C2: variants seen among roughly 807,000 people sequenced by gnomAD.
C2 encodes the protein complement C2.
C2 carries 64 observed loss-of-function variants against 85.2 expected under a neutral mutation model. The observed-to-expected ratio is 0.75, with a 90% CI of 0.61 to 0.92. The LOEUF (loss-of-function observed/expected upper bound fraction) is 0.92. C2 is among the 40% of genes least tolerant of loss of function. The probability of loss-of-function intolerance (pLI) is 0.00; values close to 1 mark genes in which losing one functional copy is unlikely to be tolerated. For missense variants in C2, 820 were observed against 971.6 expected (o/e 0.84, Z 2.07); for synonymous variants, 311 against 370.8 (o/e 0.84, Z 1.85).
chr6:31,932,863 C>T (rs1770019492), intron 3 of C2, among the ~76,000 whole-genome samples: 1 of 152,280 alleles, frequency 6.6e-6, no homozygotes, highest in African/African-American at 2.4e-5. Context: ...TCTGCAATCC[C>T]AGCACCTCGG....
upstream of C2, among the ~76,000 whole-genome samples, chr6:31,918,064 G>A (rs1768679696): frequency 6.6e-6 from 1 of 151,882 alleles, no homozygotes; most frequent in African/African-American, 2.4e-5. Context: ...GATTGCTTGA[G>A]GCTAGTTCAA....
intron 8 of C2, among the ~76,000 whole-genome samples, chr6:31,938,366 G>T (rs1418345709): frequency 6.6e-6 from 1 of 151,596 alleles, no homozygotes; most frequent in Non-Finnish European, 1.5e-5. Flanking sequence ...GGTTTCATGA[G>T]AATTAAATGA....
At position 31,945,298 on chromosome 6, in the gene C2, C is replaced by T. The variant is rs4151648; in HGVS notation, c.2200C>T (p.Arg734Cys). The T allele has an allele frequency of 8.9e-4, 1,442 of 1,613,048 alleles. 11 individuals carry two copies. The African/African-American group carries it at 0.013, about 15-fold the overall frequency. ...PPRDFHINLF[R>C]MQPWLRQHLG... ...ACGAGACTTTCACATCAATCTCTTC[C>T]GCATGCAGCCCTGGCTGAGGCAGCA... is the stretch of plus-strand genomic sequence containing the variant. The change falls in exon 18 of 18, where the codon CGC becomes TGC. Residue 734 changes from arginine (R) to cysteine (C), a missense_variant. Coordinates refer to ENST00000299367, the MANE Select transcript of C2 (RefSeq NM_000063.6). This position sits in a 1 kb window ranked among gnomAD's most constrained non-coding sequence, Gnocchi z 5.3.
intron 3 of C2, among the ~76,000 whole-genome samples, chr6:31,932,879 C>T (rs1345494733): frequency 1.3e-5 from 2 of 152,256 alleles, no homozygotes; most frequent in African/African-American, 2.4e-5. Context: ...CTCGGGAGGC[C>T]GAGGCTGGTG....
chr6:31,934,369 C>T (rs1471400404), intron 6 of C2, 70 bp downstream of exon 6: 1 of 1,601,284 alleles, frequency 6.2e-7, no homozygotes, highest in Admixed American at 1.7e-5. Flanking sequence ...TCTCCTTCCC[C>T]TCCTCAGAAC....
intron 7 of C2, chr6:31,936,486 C>A: frequency 8.8e-6 from 2 of 228,362 alleles, no homozygotes; most frequent in Non-Finnish European, 1.8e-5. Flanking sequence ...TGGGGTTATG[C>A]AATGAACATT....
Position 31,944,260 on chromosome 6 carries a change from C to T in C2, c.1902+34C>T, listed in dbSNP as rs763065930. The T allele has an allele frequency of 7.3e-7, 1 of 1,374,376 alleles. No homozygotes were observed. Among genetic ancestry groups the T allele is most frequent in the Non-Finnish European group, 1.0e-6 (1 of 962,526 alleles). The allele number at this position is 1,374,376 out of a possible 1,614,324, so 85.1% of individuals were successfully genotyped here. On this transcript the variant is annotated intron_variant, in intron 15 of 17. Coordinates refer to ENST00000299367, the MANE Select transcript of C2 (RefSeq NM_000063.6). This position sits in a 1 kb window ranked among gnomAD's most constrained non-coding sequence, Gnocchi z 5.1. Reference sequence around the variant, plus strand: ...CTCAGGTTGGGGATGCTGGGATCCCCCTGTGACAGCTCCCAGAATGTCTCT... The same window carrying T: ...CTCAGGTTGGGGATGCTGGGATCCCTCTGTGACAGCTCCCAGAATGTCTCT...
At chr6:31,925,242 G>T (rs529769362), upstream of C2, among the ~76,000 whole-genome samples, 2 of 152,050 alleles carry the variant, frequency 1.3e-5, no homozygotes, top group Non-Finnish European at 2.9e-5. Context: ...AATAACAAAG[G>T]TTTATTTTTT....
chr6:31,935,848 C>T lies in C2; in HGVS notation c.850-75C>T. 2.6e-6 allele frequency: 4 copies of T among 1,524,584 alleles called. No homozygotes were observed. Among genetic ancestry groups the T allele is most frequent in the Non-Finnish European group, 3.6e-6 (4 of 1,105,266 alleles). 94.4% of individuals were successfully genotyped at this position (1,524,584 alleles called of 1,614,324 possible). A position where few individuals can be genotyped will look rare whatever the true frequency, so the allele number is the denominator to read the frequency against. ...TCCAGTTTCTCTGCCTCCTCCAGGG[C>T]CCTTTGTTTGCTCTCTTACCATCTC... On this transcript the variant is annotated intron_variant, in intron 6 of 17. Transcript: ENST00000299367. This position sits in a 1 kb window ranked among gnomAD's most constrained non-coding sequence, Gnocchi z 4.3.
chr6:31,903,953 G>T (rs1350554262), intron 1 of C2, among the ~76,000 whole-genome samples: 2 of 151,738 alleles, frequency 1.3e-5, no homozygotes, highest in African/African-American at 4.9e-5. Flanking sequence ...TGTGTCAGAC[G>T]CACCTAGGCT....
chr6:31,931,541 G>C (rs1769746575), intron 3 of C2, among the ~76,000 whole-genome samples: 1 of 151,796 alleles, frequency 6.6e-6, no homozygotes, highest in South Asian at 2.1e-4. Context: ...TCAACCCTGA[G>C]TGGATACAGC....
Position 31,944,071 on chromosome 6 carries a change from C to T in C2, c.1811-64C>T. 6.3e-7 allele frequency: 1 copy of T among 1,589,824 alleles called. No individual in the cohort carries two copies. The highest frequency in any genetic ancestry group is 8.6e-7 in the Non-Finnish European group (1 of 1,158,862). ...ATAACAAGGACTAGGCTGCAGTCCC[C>T]AAGCCAGGAACCTGGATTCTGGGTA... On this transcript the variant is annotated intron_variant, in intron 14 of 17. Coordinates refer to ENST00000299367, the MANE Select transcript of C2 (RefSeq NM_000063.6). The surrounding 1 kb of genome is among the most constrained non-coding windows in gnomAD (Gnocchi z 5.1).
In C2 at chr6:31,936,059, A is replaced by G. The variant is rs779146789; in HGVS notation, c.986A>G (p.Lys329Arg). Residue 329 changes from lysine (K) to arginine (R), a missense_variant and splice_region_variant, in exon 7 of 18, where the codon AAA (lysine) becomes AGA (arginine). Lys to Arg is a conservative substitution (Grantham distance 26). Coordinates refer to ENST00000299367, the MANE Select transcript of C2 (RefSeq NM_000063.6). ...AGCAGCCTGGAAAATGCCAACTATA[A>G]AGGTACGGGTGTCATCACGTGATGG... The part of the protein sequence containing the change: ...VISSLENANY[K>R]DHENGTGTNT... 6.2e-7 allele frequency: 1 copy of G among 1,612,686 alleles called. No homozygotes were observed. The highest frequency in any genetic ancestry group is 1.3e-5 in the African/African-American group (1 of 74,876).
intron 3 of C2, 141 bp from the exon 4 acceptor site, chr6:31,933,469 G>A: frequency 1.3e-6 from 1 of 790,454 alleles, no homozygotes; most frequent in African/African-American, 1.7e-5. Flanking sequence ...TTCTTCCCTG[G>A]GTCTCTGGGG....
Position 31,939,331 on chromosome 6 carries a change from G to A in C2, c.1219+11G>A, listed in dbSNP as rs1441092837. ...GGAATGACTATCTGGGTGAGCCCCTGCCACTGCCACCACATTTGTTCTGCT... is the reference window on the plus strand; with the variant it reads ...GGAATGACTATCTGGGTGAGCCCCTACCACTGCCACCACATTTGTTCTGCT... On this transcript the variant is annotated intron_variant, in intron 9 of 17. Coordinates refer to ENST00000299367, the MANE Select transcript of C2 (RefSeq NM_000063.6). 6.3e-7 allele frequency: 1 copy of A among 1,587,398 alleles called. No homozygotes were observed. Among genetic ancestry groups the A allele is most frequent in the Admixed American group, 1.7e-5 (1 of 59,958 alleles).
chr6:31,934,057 T>TGG, intron 5 of C2, 92 bp downstream of exon 5: 1 of 1,554,206 alleles, frequency 6.4e-7, no homozygotes, highest in Non-Finnish European at 8.9e-7. Flanking sequence ...GCCAGGAGCC[T>TGG]TGGTGGGCTC....
chr6:31,900,362 C>T (rs753949306), upstream of C2: 3 of 1,578,060 alleles, frequency 1.9e-6, no homozygotes, highest in East Asian at 2.3e-5. The surrounding 1 kb of genome is among the most constrained non-coding windows in gnomAD (Gnocchi z 9.7). Flanking sequence ...TCCCCGGCTG[C>T]CCCCCGCCCC....
intron 9 of C2, among the ~76,000 whole-genome samples, chr6:31,942,486 T>G (rs1430771029): frequency 6.6e-6 from 1 of 150,758 alleles, no homozygotes; most frequent in Non-Finnish European, 1.5e-5. Context: ...AGCTAAGGGG[T>G]GTTGCCATGT....
rs751374276 is a variant in C2, at chr6:31,934,136, T to A, written c.716-30T>A. On this transcript the variant is annotated intron_variant, in intron 5 of 17. Transcript: ENST00000299367. Reference sequence around the variant, plus strand: ...CGAGAGCGCAGGAAGGAGGTGGGGATCTGAATCCTCCCCTTCCACATTTCT... The same window carrying A: ...CGAGAGCGCAGGAAGGAGGTGGGGAACTGAATCCTCCCCTTCCACATTTCT... 1.9e-6 allele frequency: 3 copies of A among 1,611,704 alleles called. No homozygotes were observed. The South Asian group carries it at 3.3e-5, about 18-fold the overall frequency.
Sources: gnomAD v4.1 joint callset for allele counts (sites outside exome capture counted in the v4.1 genomes callset) on GRCh38, gnomAD v4.1.1 for gene constraint, Gnocchi (gnomAD v3.1) non-coding constraint, MANE v1.5 for transcripts, NCBI Gene and HGNC (gene_info 2026-07-23, HGNC 2026-07-21) for gene names.